The following ZNF493 variants were observed in gnomAD, a reference collection of about 807,000 sequenced individuals.
ZNF493 encodes zinc finger protein 493.
ZNF493 carries 11 observed loss-of-function variants against 12.2 expected under a neutral mutation model. That is an observed-to-expected ratio of 0.90 (90% CI 0.57 to 1.50). ZNF493 has a LOEUF of 1.50. ZNF493 is among the 40% of genes most tolerant of loss of function. The pLI, the probability that ZNF493 is intolerant of heterozygous loss-of-function variation, is 0.00. For synonymous variants in ZNF493, 286 were observed against 302.6 expected (o/e 0.95, Z 0.57); for missense variants, 950 against 906.6 (o/e 1.05, Z -0.61).
intron 3 of ZNF493, among the ~76,000 whole-genome samples, chr19:21,410,276 T>C (rs1348303841): frequency 6.6e-6 from 1 of 152,034 alleles, no homozygotes; most frequent in African/African-American, 2.4e-5. Flanking sequence ...TTTTTAATTA[T>C]TTGAGAAACA....
At position 21,423,609 on chromosome 19, in the gene ZNF493, G is replaced by A. The variant is rs149998530; in HGVS notation, c.950G>A (p.Gly317Glu). Reference protein sequence around the residue: ...TLTGHKIIHNGEKPYKCEECG... With the variant: ...TLTGHKIIHNEEKPYKCEECG... ...ACTGGACATAAGATAATTCATAATGGAGAAAAACCCTATAAATGTGAAGAA... is the reference window on the plus strand; with the variant it reads ...ACTGGACATAAGATAATTCATAATGAAGAAAAACCCTATAAATGTGAAGAA... Residue 317 changes from glycine to glutamate, a missense_variant, in exon 4 of 4, where the codon GGA becomes GAA. Transcript: ENST00000392288. 1.2e-6 allele frequency: 2 copies of A among 1,609,412 alleles called. No homozygotes were observed. The highest frequency in any genetic ancestry group is 1.4e-5 in the African/African-American group (1 of 71,796).
chr19:21,426,766 T>C lies in ZNF493; in HGVS notation c.*1782T>C, dbSNP rs2030866183. The C allele has an allele frequency of 6.0e-6, 1 of 166,990 alleles. No homozygotes were observed. Among genetic ancestry groups the C allele is most frequent in the African/African-American group, 2.4e-5 (1 of 41,450 alleles). 10.3% of individuals were successfully genotyped at this position (166,990 alleles called of 1,614,324 possible). On this transcript the variant is annotated 3_prime_UTR_variant, in exon 4 of 4. Coordinates refer to ENST00000392288, the MANE Select transcript of ZNF493 (RefSeq NM_001076678.3). The stretch of plus-strand genomic sequence containing the variant: ...AAAATAAAAAAAATTTTAATCCAAA[T>C]TTGTCTATGTAAATACCAGAATTTA...
chr19:21,425,293 C>G lies in ZNF493; in HGVS notation c.*309C>G, dbSNP rs549051203. 1.5e-4 allele frequency: 67 copies of G among 457,504 alleles called. No homozygotes were observed. The East Asian group carries it at 3.0e-3, about 20-fold the overall frequency. 28.3% of individuals were successfully genotyped at this position (457,504 alleles called of 1,614,324 possible). A position where few individuals can be genotyped will look rare whatever the true frequency, so the allele number is the denominator to read the frequency against. ...TACAAATATGAAGAATGTGACAAAG[C>G]TTTTAACCACTTCTCAACCCTGCCT... On this transcript the variant is annotated 3_prime_UTR_variant, in exon 4 of 4. Transcript: ENST00000392288.
rs771648040 is a variant in ZNF493, at chr19:21,424,696, T to C, written c.2037T>C (p.His679=). ...FSTLTKHKII[H]TEEKPYKCEK... is the part of the protein sequence containing the mutation. ...CCCTTACTAAACATAAGATAATTCA[T>C]ACTGAAGAGAAACCCTACAAATGTG... Residue 679 remains histidine, a synonymous_variant, in exon 4 of 4, where the codon CAT becomes CAC. Transcript: ENST00000392288. 2 of 1,613,614 alleles carry C rather than the reference T, an allele frequency of 1.2e-6. No individual in the cohort carries two copies. Among genetic ancestry groups the C allele is most frequent in the Admixed American group, 1.7e-5 (1 of 59,956 alleles).
At chr19:21,405,731 G>A in intron 2 of ZNF493, 30 bp from the exon 3 acceptor site, 1 of 1,573,602 alleles carries the variant, frequency 6.4e-7, no homozygotes, top group Non-Finnish European at 8.7e-7. Context: ...ATATGAGCAA[G>A]ATTCATGTTA....
intron 3 of ZNF493, among the ~76,000 whole-genome samples, chr19:21,419,553 A>G (rs114562538): frequency 0.013 from 2,033 of 152,198 alleles, 53 homozygotes; most frequent in African/African-American, 0.046. Flanking sequence ...GGCTAGGCCA[A>G]TGTAACCTTT....
chr19:21,416,520 G>A (rs183522008), intron 3 of ZNF493, among the ~76,000 whole-genome samples: 123 of 152,192 alleles, frequency 8.1e-4, no homozygotes, highest in Non-Finnish European at 1.1e-3. Context: ...TTGGTCACGC[G>A]GATGGCCAAT....
intron 3 of ZNF493, chr19:21,407,753 G>A (rs4461198): frequency 0.72 from 708,569 of 981,324 alleles, 256,025 homozygotes; most frequent in African/African-American, 0.74. Context: ...AAGATTATAT[G>A]TTCCTCAAAC....
In ZNF493 at chr19:21,425,635, A is replaced by G. The variant is rs1010269105; in HGVS notation, c.*651A>G. 6 of 806,320 alleles carry G rather than the reference A, an allele frequency of 7.4e-6. No individual in the cohort carries two copies. In the Admixed American group the frequency reaches 1.2e-4, roughly 16 times the overall value. The allele number at this position is 806,320 out of a possible 1,614,324, so 49.9% of individuals were successfully genotyped here. ...TGTGAAAAATGTGGCAAACCTTTTA[A>G]CCAATCCTCAACCCTTACTACACAT... is the stretch of plus-strand genomic sequence containing the variant. On this transcript the variant is annotated 3_prime_UTR_variant, in exon 4 of 4. Coordinates refer to ENST00000392288, the MANE Select transcript of ZNF493 (RefSeq NM_001076678.3).
chr19:21,417,756 C>T (rs12151067), intron 3 of ZNF493, among the ~76,000 whole-genome samples: 3 of 151,910 alleles, frequency 2.0e-5, no homozygotes, highest in African/African-American at 7.3e-5. Context: ...CTGGGTATTG[C>T]GAGCAGCCTG....
chr19:21,406,727 C>T (rs1028354497), intron 3 of ZNF493, among the ~76,000 whole-genome samples: 1 of 151,192 alleles, frequency 6.6e-6, no homozygotes, highest in African/African-American at 2.4e-5. Context: ...TATGATGTCC[C>T]TCTGCTTTGT....
intron 1 of ZNF493, chr19:21,398,681 C>T (rs1334168462): frequency 1.7e-5 from 6 of 343,648 alleles, no homozygotes; most frequent in South Asian, 5.3e-5. Flanking sequence ...GGGAATCTTC[C>T]GGTGTACTCT....
intron 1 of ZNF493, among the ~76,000 whole-genome samples, chr19:21,399,498 T>G (rs1257320712): frequency 6.6e-6 from 1 of 152,204 alleles, no homozygotes; most frequent in Non-Finnish European, 1.5e-5. Flanking sequence ...CTCCTGGATT[T>G]GTCACCTTGA....
intron 1 of ZNF493, 114 bp downstream of exon 1, chr19:21,397,381 C>T: frequency 1.6e-6 from 2 of 1,288,810 alleles, no homozygotes; most frequent in Non-Finnish European, 2.3e-6. Flanking sequence ...AATCTGCTCC[C>T]TGAGTTCTCC....
chr19:21,403,484 CA>C (rs2145266872), intron 1 of ZNF493, among the ~76,000 whole-genome samples: 1 of 145,222 alleles, frequency 6.9e-6, no homozygotes, highest in African/African-American at 2.6e-5. Context: ...TTATAAAGGA[CA>C]AAAGTGAGTG....
At position 21,423,649 on chromosome 19, in the gene ZNF493, T is replaced by C; in HGVS notation, c.990T>C (p.Phe330=). ...AATGTGAAGAATGTGGCAAAGCCTT[T>C]AGTATTTTCTCAACCCCTACTAAAC... ...PYKCEECGKA[F]SIFSTPTKHK... The change falls in exon 4 of 4, where the codon TTT becomes TTC. Residue 330 remains phenylalanine, a synonymous_variant. Coordinates refer to ENST00000392288, the MANE Select transcript of ZNF493 (RefSeq NM_001076678.3). 5.0e-6 allele frequency: 8 copies of C among 1,610,926 alleles called. No individual in the cohort carries two copies. Among genetic ancestry groups the C allele is most frequent in the Non-Finnish European group, 6.8e-6 (8 of 1,179,606 alleles).
intron 3 of ZNF493, among the ~76,000 whole-genome samples, chr19:21,408,956 C>G (rs554432736): frequency 6.6e-6 from 1 of 150,666 alleles, no homozygotes; most frequent in East Asian, 2.0e-4. Context: ...ACAATCTCGG[C>G]TCACTGCAAC....
In ZNF493 at chr19:21,424,374, C is replaced by T. The variant is rs747985222; in HGVS notation, c.1715C>T (p.Pro572Leu). 18 of 1,613,126 alleles carry T rather than the reference C, an allele frequency of 1.1e-5. No homozygotes were observed. Among genetic ancestry groups the T allele is most frequent in the Non-Finnish European group, 1.5e-5 (18 of 1,179,684 alleles). Residue 572 changes from proline (P) to leucine (L), a missense_variant, in exon 4 of 4, where the codon CCC becomes CTC. By Grantham distance (98) the Pro-to-Leu change is moderately conservative. Coordinates refer to ENST00000392288, the MANE Select transcript of ZNF493 (RefSeq NM_001076678.3). Reference protein sequence around the residue: ...THKRIHTGHKPYKCKECGKSF... With the variant: ...THKRIHTGHKLYKCKECGKSF... ...AAGAGAATTCATACTGGACACAAAC[C>T]CTACAAATGTAAAGAATGTGGCAAA... is the stretch of plus-strand genomic sequence containing the variant.
rs1442238144 is a variant in ZNF493, at chr19:21,423,497, C to G, written c.838C>G (p.Leu280Val). The G allele has an allele frequency of 6.2e-7, 1 of 1,613,518 alleles. No homozygotes were observed. Among genetic ancestry groups the G allele is most frequent in the Non-Finnish European group, 8.5e-7 (1 of 1,179,834 alleles). ...CACATCTTTCTACCAATTCTCATAC[C>G]TTACTAGGCATAAGCTAATTCATAC... Reference protein sequence around the residue: ...CGTSFYQFSYLTRHKLIHTRE... With the variant: ...CGTSFYQFSYVTRHKLIHTRE... Residue 280 changes from leucine (L) to valine (V), a missense_variant, in exon 4 of 4, where the codon CTT becomes GTT. Physicochemically the swap from Leu to Val is conservative, Grantham distance 32. Coordinates refer to ENST00000392288, the MANE Select transcript of ZNF493 (RefSeq NM_001076678.3).
Sources: allele counts gnomAD v4.1 joint callset (sites outside exome capture counted in the v4.1 genomes callset), GRCh38; gene constraint gnomAD v4.1.1; transcripts MANE v1.5; gene names NCBI Gene and HGNC (gene_info 2026-07-23, HGNC 2026-07-21).